DMD: variants seen among roughly 807,000 people sequenced by gnomAD.
DMD encodes mutant dystrophin.
In DMD, 63 loss-of-function variants were observed where a neutral mutation model predicts 330.1. The observed-to-expected ratio is 0.19, with a 90% CI of 0.16 to 0.24. DMD has a LOEUF of 0.24. Among genes scored for constraint, DMD ranks in the 10% least tolerant of loss-of-function variants. DMD has a pLI of 1.00. For synonymous variants in DMD, 1,223 were observed against 959.8 expected (o/e 1.27, Z -5.07); for missense variants, 3,344 against 2,684.1 (o/e 1.25, Z -5.43).
rs138886065 is a variant in DMD at position 32,708,217 on chromosome X, A to T, written c.650-8924T>A. On this transcript the variant is annotated intron_variant, in intron 7 of 78. Transcript: ENST00000357033. Reference sequence around the variant, plus strand: ...GATTTCAAAATATGCCTGATGGTATAAGGGCAGTCCTGGGGCAAATTACTC... The same window carrying T: ...GATTTCAAAATATGCCTGATGGTATTAGGGCAGTCCTGGGGCAAATTACTC... 1.4e-3 allele frequency among the ~76,000 whole-genome samples: 153 copies of T among 111,305 alleles called. 2 individuals carry two copies. In the East Asian group the frequency reaches 0.04, roughly 29 times the overall value.
chrX:32,202,336 G>T (rs911855902), intron 44 of DMD, among the ~76,000 whole-genome samples: 10 of 111,389 alleles, frequency 9.0e-5, no homozygotes, highest in Non-Finnish European at 1.7e-4. Flanking sequence ...CATCTTAATC[G>T]CATTCACTGC....
chrX:31,716,703 AAT>A (rs2085074902), intron 52 of DMD, among the ~76,000 whole-genome samples: 1 of 109,016 alleles, frequency 9.2e-6, no homozygotes, highest in African/African-American at 3.4e-5. Context: ...ATAAATACCC[AAT>A]ATGTTTGAAC....
intron 29 of DMD, among the ~76,000 whole-genome samples, chrX:32,436,772 C>A (rs1167698239): frequency 1.8e-5 from 2 of 109,651 alleles, no homozygotes; most frequent in African/African-American, 3.3e-5. Flanking sequence ...GACAACATGG[C>A]AAAACAACAT....
chrX:32,543,666 C>T (rs1456710311), intron 17 of DMD, among the ~76,000 whole-genome samples: 2 of 112,067 alleles, frequency 1.8e-5, no homozygotes, highest in African/African-American at 3.2e-5. Context: ...TGCCATTATG[C>T]TTTTCACTCC....
At chrX:33,307,463 G>C (rs1409101728) in intron 1 of DMD, among the ~76,000 whole-genome samples, 1 of 111,862 alleles carries the variant, frequency 8.9e-6, no homozygotes, top group East Asian at 2.8e-4. Context: ...AGGCCAAGGC[G>C]GGCGGATCAC....
intron 44 of DMD, among the ~76,000 whole-genome samples, chrX:32,093,258 T>C (rs150107458): frequency 0.012 from 1,375 of 112,148 alleles, 24 homozygotes; most frequent in African/African-American, 0.043. Flanking sequence ...ATTCATCCAC[T>C]GATGGACGTT....
chrX:31,201,807 A>C (rs1442807626), intron 67 of DMD, among the ~76,000 whole-genome samples: 6 of 112,145 alleles, frequency 5.4e-5, no homozygotes, highest in Non-Finnish European at 5.6e-5. Context: ...ACTGAGCCTT[A>C]CCTTTAACCC....
chrX:32,840,671 T>G (rs778006244), intron 4 of DMD, among the ~76,000 whole-genome samples: 53 of 112,220 alleles, frequency 4.7e-4, no homozygotes, highest in Non-Finnish European at 1.1e-4. Flanking sequence ...GAAATTTAAT[T>G]GAAAGAAATC....
chrX:31,864,990 TAAAC>T (rs1354501552), intron 48 of DMD, among the ~76,000 whole-genome samples: 1 of 112,403 alleles, frequency 8.9e-6, no homozygotes. Context: ...GTAAGTGAGT[TAAAC>T]AATATCGTAA....
At chrX:31,273,096 T>G (rs953163068) in intron 62 of DMD, among the ~76,000 whole-genome samples, 8 of 112,188 alleles carry the variant, frequency 7.1e-5, no homozygotes, top group Admixed American at 1.9e-4. Flanking sequence ...TTGTAAATAT[T>G]TATTTGTCAA....
chrX:32,281,424 G>C (rs1015011174), intron 43 of DMD, among the ~76,000 whole-genome samples: 3 of 112,019 alleles, frequency 2.7e-5, no homozygotes. Flanking sequence ...TTTTTAAAAT[G>C]TAAGTATAAA....
intron 52 of DMD, among the ~76,000 whole-genome samples, chrX:31,700,791 G>A (rs1159605907): frequency 1.8e-5 from 2 of 111,827 alleles, no homozygotes; most frequent in Non-Finnish European, 3.8e-5. Context: ...TGCTTAAGAT[G>A]AAAGCCTGAA....
intron 2 of DMD, among the ~76,000 whole-genome samples, chrX:32,860,455 A>C (rs1446968048): frequency 3.6e-5 from 4 of 112,110 alleles, no homozygotes; most frequent in Admixed American, 9.5e-5. Flanking sequence ...AACACCAAAA[A>C]TATCGCAAAT....
chrX:31,805,843 A>G (rs1435518467), intron 50 of DMD, among the ~76,000 whole-genome samples: 2 of 112,432 alleles, frequency 1.8e-5, no homozygotes, highest in Non-Finnish European at 3.8e-5. Context: ...AACACATTAA[A>G]CAATCTATAT....
At position 32,621,786 on chromosome X, in the gene DMD, C is replaced by G. The variant is rs1466222853; in HGVS notation, c.1332-7333G>C. Among the ~76,000 whole-genome samples the G allele has an allele frequency of 2.7e-5, 3 of 110,823 alleles. No homozygotes were observed. In the Admixed American group the frequency reaches 2.9e-4, roughly 11 times the overall value. ...AGCCAAATAGAGCCCTGCTTTTTCTCTCTTCATTAGTGGTTCTGAAAGTGT... is the reference window on the plus strand; with the variant it reads ...AGCCAAATAGAGCCCTGCTTTTTCTGTCTTCATTAGTGGTTCTGAAAGTGT... On this transcript the variant is annotated intron_variant, in intron 11 of 78. Coordinates refer to ENST00000357033, the MANE Select transcript of DMD (RefSeq NM_004006.3).
At chrX:32,236,131 G>C (rs2097186945) in intron 43 of DMD, among the ~76,000 whole-genome samples, 2 of 111,785 alleles carry the variant, frequency 1.8e-5, no homozygotes, top group African/African-American at 3.2e-5. Context: ...TTAAAGACCG[G>C]TGAAGTGCTG....
intron 51 of DMD, among the ~76,000 whole-genome samples, chrX:31,760,525 TAC>T (rs1220424900): frequency 2.7e-5 from 3 of 111,975 alleles, no homozygotes; most frequent in Admixed American, 9.5e-5. Context: ...AAGTATTCAG[TAC>T]AGTCACATGC....
At chrX:31,758,573 G>T (rs1479925180) in intron 51 of DMD, among the ~76,000 whole-genome samples, 1 of 111,043 alleles carries the variant, frequency 9.0e-6, no homozygotes, top group African/African-American at 3.3e-5. Context: ...CCATCAATTG[G>T]AAAGGGGCTT....
At chrX:32,560,534 G>C (rs1184901939) in intron 16 of DMD, among the ~76,000 whole-genome samples, 2 of 110,281 alleles carry the variant, frequency 1.8e-5, no homozygotes, top group Non-Finnish European at 3.8e-5. Context: ...TGCACCTACA[G>C]ACCCATTAGG....
Sources: allele counts gnomAD v4.1 joint callset (sites outside exome capture counted in the v4.1 genomes callset), GRCh38; gene constraint gnomAD v4.1.1; transcripts MANE v1.5; gene names NCBI Gene and HGNC (gene_info 2026-07-23, HGNC 2026-07-21).